Variants in STEAP3 observed in about 807,000 individuals in gnomAD.
The protein encoded by STEAP3 is metalloreductase STEAP3.
In STEAP3, 35 loss-of-function variants were observed where a neutral mutation model predicts 34.9. That is an observed-to-expected ratio of 1.00 (90% CI 0.76 to 1.33). The LOEUF is 1.33. Among genes scored for constraint, STEAP3 ranks in the 40% most tolerant of loss-of-function variants. The probability of loss-of-function intolerance (pLI) is 0.00; values close to 1 mark genes in which losing one functional copy is unlikely to be tolerated. For synonymous variants in STEAP3, 281 were observed against 301.6 expected, an observed-to-expected ratio of 0.93 and a Z score of 0.71; for missense variants, 652 against 667.6, an observed-to-expected ratio of 0.98 and a Z score of 0.26.
In STEAP3 at chr2:119,263,103, T is replaced by C; in HGVS notation, c.1262T>C (p.Leu421Pro). The change falls in exon 6 of 6, where the codon CTC becomes CCC. Residue 421 changes from leucine to proline, a missense_variant. Leu to Pro is a moderately conservative substitution (Grantham distance 98). Transcript: ENST00000393110. ...VALVLSTLHT[L>P]TYGWTRAFEE... Reference sequence around the variant, plus strand: ...CTCGTGCTGAGCACACTGCACACGCTCACCTACGGCTGGACCCGCGCCTTC... The same window carrying C: ...CTCGTGCTGAGCACACTGCACACGCCCACCTACGGCTGGACCCGCGCCTTC... The C allele has an allele frequency of 6.2e-7, 1 of 1,611,408 alleles. No homozygotes were observed.
chr2:119,227,810 G>GTCTTTATTTATT (rs1553437009), intron 1 of STEAP3, among the ~76,000 whole-genome samples: 2 of 145,256 alleles, frequency 1.4e-5, no homozygotes, highest in Non-Finnish European at 3.0e-5. Context: ...CCCATTTCTT[G>GTCTTTATTTATT]TATTTATTTA....
intron 2 of STEAP3, chr2:119,239,482 G>C (rs1465317051): frequency 6.6e-6 from 1 of 152,310 alleles, no homozygotes; most frequent in East Asian, 1.9e-4. Context: ...TGGCCAGGCT[G>C]TGTGCAAGAA....
chr2:119,228,467 G>C (rs1225754526), intron 1 of STEAP3, among the ~76,000 whole-genome samples: 1 of 152,232 alleles, frequency 6.6e-6, no homozygotes, highest in Non-Finnish European at 1.5e-5. Flanking sequence ...CCCAACCTGG[G>C]TGAAAGGCCA....
intron 3 of STEAP3, 189 bp downstream of exon 3, chr2:119,246,177 G>T: frequency 1.2e-6 from 1 of 829,598 alleles, no homozygotes; most frequent in South Asian, 1.9e-5. Flanking sequence ...TCCATAGCTG[G>T]TAAGTTGGGA....
At position 119,245,826 on chromosome 2, in the gene STEAP3, C is replaced by G. The variant is rs756536421; in HGVS notation, c.360C>G (p.Ile120Met). 1.9e-6 allele frequency: 3 copies of G among 1,614,170 alleles called. 1 individual carries two copies. Among genetic ancestry groups the G allele is most frequent in the South Asian group, 2.2e-5 (2 of 91,082 alleles). ...CSLSDQLAGK[I>M]LVDVSNPTEQ... ...TCAGTGACCAGCTGGCGGGCAAGAT[C>G]CTGGTGGATGTGAGCAACCCTACAG... The change falls in exon 3 of 6, where the codon ATC (isoleucine) becomes ATG (methionine). Residue 120 changes from isoleucine to methionine, a missense_variant. Physicochemically the swap from Ile to Met is conservative, Grantham distance 10. Transcript: ENST00000393110.
At position 119,245,614 on chromosome 2, in the gene STEAP3, G is replaced by T; in HGVS notation, c.148G>T (p.Ala50Ser). ...KVGILGSGDF[A>S]RSLATRLVGS... is the part of the protein sequence containing the mutation. ...GGGCATCCTGGGTAGCGGGGACTTT[G>T]CCCGCTCCCTGGCCACACGCCTGGT... is the stretch of plus-strand genomic sequence containing the variant. The change falls in exon 3 of 6, where the codon GCC (alanine) becomes TCC (serine). Residue 50 changes from alanine to serine, a missense_variant. Physicochemically the swap from Ala to Ser is moderately conservative, Grantham distance 99. Transcript: ENST00000393110. 1 of 1,609,634 alleles carries T rather than the reference G, an allele frequency of 6.2e-7. No individual in the cohort carries two copies. Among genetic ancestry groups the T allele is most frequent in the Non-Finnish European group, 8.5e-7 (1 of 1,176,336 alleles).
rs374485868 is a variant in STEAP3, at chr2:119,260,683, G to C, written c.1216-2374G>C. Among the ~76,000 whole-genome samples, 405 of 152,334 alleles carry C rather than the reference G, an allele frequency of 2.7e-3. 3 individuals carry two copies. The highest frequency in any genetic ancestry group is 8.7e-3 in the African/African-American group (361 of 41,580). On this transcript the variant is annotated intron_variant, in intron 5 of 5. Transcript: ENST00000393110. Reference sequence around the variant, plus strand: ...ATTAGAATTTAGAAAAGTTGGGGTGGCTCAGAAGTTGCAGGGGATTTGGAA... The same window carrying C: ...ATTAGAATTTAGAAAAGTTGGGGTGCCTCAGAAGTTGCAGGGGATTTGGAA...
At chr2:119,249,409 C>T (rs887803354) in intron 4 of STEAP3, among the ~76,000 whole-genome samples, 43 of 151,992 alleles carry the variant, frequency 2.8e-4, no homozygotes, top group Non-Finnish European at 3.4e-4. Flanking sequence ...TTATTTTCTC[C>T]AAATTAATTC....
intron 2 of STEAP3, among the ~76,000 whole-genome samples, chr2:119,241,458 G>A (rs1402726565): frequency 6.6e-6 from 1 of 152,216 alleles, no homozygotes; most frequent in Non-Finnish European, 1.5e-5. Flanking sequence ...GCATTTTGGT[G>A]GCAAGAGAAG....
chr2:119,249,793 TG>T, intron 4 of STEAP3, among the ~76,000 whole-genome samples: 1 of 152,180 alleles, frequency 6.6e-6, no homozygotes, highest in East Asian at 1.9e-4. Flanking sequence ...CCGGCATCAT[TG>T]CATCTGTGGG....
At chr2:119,257,457 T>G (rs1347568173) in intron 5 of STEAP3, 2 of 1,521,322 alleles carry the variant, frequency 1.3e-6, no homozygotes, top group African/African-American at 2.8e-5. Context: ...CATGCCGCAG[T>G]GTGTGGCAAC....
chr2:119,246,160 T>C (rs1031632826), intron 3 of STEAP3, 172 bp downstream of exon 3: 16 of 928,460 alleles, frequency 1.7e-5, no homozygotes, highest in Admixed American at 5.8e-5. Flanking sequence ...ATGATCTTAC[T>C]GAAAATTCCA....
rs770757196 is a variant in STEAP3 at position 119,247,674 on chromosome 2, C to T, written c.523-5C>T. On this transcript the variant is annotated splice_polypyrimidine_tract_variant and splice_region_variant and intron_variant, in intron 3 of 5. Coordinates refer to ENST00000393110, the MANE Select transcript of STEAP3 (RefSeq NM_182915.3). ...CCGTCTGACTGCCCCACTTTTCTCC[C>T]GCAGGTGCCCATCTGCGGTGACCAG... The T allele has an allele frequency of 1.1e-5, 16 of 1,516,876 alleles. No homozygotes were observed. The highest frequency in any genetic ancestry group is 6.2e-5 in the Admixed American group (3 of 48,210). 94.0% of individuals were successfully genotyped at this position (1,516,876 alleles called of 1,614,324 possible). A position where few individuals can be genotyped will look rare whatever the true frequency, so the allele number is the denominator to read the frequency against.
intron 2 of STEAP3, among the ~76,000 whole-genome samples, chr2:119,232,148 G>C (rs1037376104): frequency 6.6e-6 from 1 of 152,212 alleles, no homozygotes; most frequent in African/African-American, 2.4e-5. Context: ...AGACACCAGA[G>C]TCTGGTGCTG....
At chr2:119,245,151 G>A (rs1019582673) in intron 2 of STEAP3, 1 of 296,372 alleles carries the variant, frequency 3.4e-6, no homozygotes, top group Non-Finnish European at 6.3e-6. Flanking sequence ...CTTTTGAAAA[G>A]AAGTATGGCA....
At chr2:119,233,495 G>T (rs1295904762) in intron 2 of STEAP3, among the ~76,000 whole-genome samples, 1 of 152,186 alleles carries the variant, frequency 6.6e-6, no homozygotes, top group Non-Finnish European at 1.5e-5. Context: ...GAGAGCCCCA[G>T]CTAGGTTCTG....
Position 119,245,862 on chromosome 2 carries a change from C to T in STEAP3, c.396C>T (p.His132=). 7.4e-6 allele frequency: 12 copies of T among 1,614,166 alleles called. No homozygotes were observed. Among genetic ancestry groups the T allele is most frequent in the Non-Finnish European group, 9.3e-6 (11 of 1,180,044 alleles). Residue 132 remains histidine, a synonymous_variant, in exon 3 of 6, where the codon CAC becomes CAT. Transcript: ENST00000393110. ...TGAGCAACCCTACAGAGCAAGAGCA[C>T]CTTCAGCATCGTGAGTCCAATGCTG... is the stretch of plus-strand genomic sequence containing the variant. ...VDVSNPTEQE[H]LQHRESNAEY... is the part of the protein sequence containing the mutation.
chr2:119,248,363 C>T lies in STEAP3; in HGVS notation c.1050+157C>T, dbSNP rs1482717840. The T allele has an allele frequency of 3.7e-6, 3 of 815,804 alleles. No individual in the cohort carries two copies. The Admixed American group carries it at 9.0e-5, about 24-fold the overall frequency. 50.5% of individuals were successfully genotyped at this position (815,804 alleles called of 1,614,324 possible). On this transcript the variant is annotated intron_variant, in intron 4 of 5. Coordinates refer to ENST00000393110, the MANE Select transcript of STEAP3 (RefSeq NM_182915.3). ...CCAATGGGGCAGCACCCACATCCTC[C>T]TGCCCAAGATTTTGAGTATCAGTGA... is the stretch of plus-strand genomic sequence containing the variant.
At chr2:119,231,332 C>T (rs1676927103) in intron 2 of STEAP3, among the ~76,000 whole-genome samples, 1 of 134,918 alleles carries the variant, frequency 7.4e-6, no homozygotes, top group Non-Finnish European at 1.6e-5. Context: ...GGATTTATCA[C>T]ACACAGTTGC....
Sources: allele counts gnomAD v4.1 joint callset (sites outside exome capture counted in the v4.1 genomes callset), GRCh38; gene constraint gnomAD v4.1.1; transcripts MANE v1.5; gene names NCBI Gene and HGNC (gene_info 2026-07-23, HGNC 2026-07-21).